Variants in CACNA1C observed in about 807,000 individuals in gnomAD.
The protein encoded by CACNA1C is calcium voltage-gated channel subunit alpha1 C, also known as voltage-dependent L-type calcium channel subunit alpha-1C.
Under a neutral mutation model 229.0 loss-of-function variants are expected in CACNA1C, and 30 were observed. That is an observed-to-expected ratio of 0.13 (90% CI 0.10 to 0.18). The LOEUF (loss-of-function observed/expected upper bound fraction) is 0.18. CACNA1C is among the 10% of genes least tolerant of loss of function. The pLI is 1.00. For synonymous variants in CACNA1C, 1,114 were observed against 1,132.5 expected (o/e 0.98, Z 0.33); for missense variants, 1,658 against 2,845.0 (o/e 0.58, Z 9.49).
chr12:2,678,243 G>A lies in CACNA1C; in HGVS notation c.5091+376G>A, dbSNP rs2096922900. On this transcript the variant is annotated intron_variant, in intron 41 of 46. Transcript: ENST00000399655. The surrounding 1 kb of genome is among the most constrained non-coding windows in gnomAD (Gnocchi z 4.1). ...TAATATTTGAAAATCAAGACTTCTG[G>A]CATTCTTTGGAAAAGTCAGGAGACC... Among the ~76,000 whole-genome samples, 1 of 152,164 alleles carries A rather than the reference G, an allele frequency of 6.6e-6. No individual in the cohort carries two copies. The highest frequency in any genetic ancestry group is 1.5e-5 in the Non-Finnish European group (1 of 68,042).
intron 3 of CACNA1C, among the ~76,000 whole-genome samples, chr12:2,439,915 C>T (rs1227326154): frequency 6.6e-6 from 1 of 152,028 alleles, no homozygotes; most frequent in Non-Finnish European, 1.5e-5. Context: ...CCGTTCGGAG[C>T]AGCAGGCACC....
intron 4 of CACNA1C, among the ~76,000 whole-genome samples, chr12:2,450,416 A>T (rs1057044556): frequency 5.3e-4 from 80 of 151,640 alleles, no homozygotes; most frequent in Admixed American, 9.2e-4. Context: ...TAGCCGGGCG[A>T]GGTGGCGGGC....
At chr12:2,009,334 A>G (rs2044001834) in intron 1 of CACNA1C, among the ~76,000 whole-genome samples, 1 of 152,254 alleles carries the variant, frequency 6.6e-6, no homozygotes, top group Non-Finnish European at 1.5e-5. Flanking sequence ...GGTAATTGTA[A>G]GAAGACAGTA....
chr12:2,311,416 G>T (rs2095430772), intron 3 of CACNA1C, among the ~76,000 whole-genome samples: 2 of 152,186 alleles, frequency 1.3e-5, no homozygotes, highest in African/African-American at 4.8e-5. Context: ...TTAACACCAA[G>T]CCAAGCAGAT....
chr12:2,341,656 A>G lies in CACNA1C; in HGVS notation c.478-107320A>G, dbSNP rs59333388. Among the ~76,000 whole-genome samples the G allele has an allele frequency of 4.0e-3, 604 of 152,350 alleles. 3 individuals are homozygous for G. Among genetic ancestry groups the G allele is most frequent in the African/African-American group, 0.01 (433 of 41,592 alleles). ...TTTGTGGGTTTGTCCTCTGTTTAGA[A>G]AAATGAATTTCCTGAGGGCAAGACC... On this transcript the variant is annotated intron_variant, in intron 3 of 46. Coordinates refer to ENST00000399655, the MANE Select transcript of CACNA1C (RefSeq NM_000719.7).
At chr12:2,329,500 A>G (rs908031455) in intron 3 of CACNA1C, among the ~76,000 whole-genome samples, 2 of 152,160 alleles carry the variant, frequency 1.3e-5, no homozygotes, top group Non-Finnish European at 2.9e-5. Flanking sequence ...AATGAACATC[A>G]TTCCTTTGTG....
chr12:2,591,360 A>G (rs2065225025), intron 18 of CACNA1C, among the ~76,000 whole-genome samples: 1 of 152,168 alleles, frequency 6.6e-6, no homozygotes, highest in Non-Finnish European at 1.5e-5. Context: ...TCTTATACAG[A>G]GTCCCCTTCC....
intron 1 of CACNA1C, among the ~76,000 whole-genome samples, chr12:2,001,632 C>T (rs559897653): frequency 2.0e-5 from 3 of 152,304 alleles, no homozygotes; most frequent in East Asian, 1.9e-4. Context: ...GCATGTAGCA[C>T]GTGAGTCACC....
Position 2,384,060 on chromosome 12 carries a change from A to G in CACNA1C, c.478-64916A>G, listed in dbSNP as rs77437041. Among the ~76,000 whole-genome samples, 4 of 152,338 alleles carry G rather than the reference A, an allele frequency of 2.6e-5. No homozygotes were observed. The East Asian group carries it at 7.7e-4, about 29-fold the overall frequency. ...ACCTCATCTGAACCTCAGCAAACTG[A>G]TAAGGACCACTCTGATTTTTAAAAC... On this transcript the variant is annotated intron_variant, in intron 3 of 46. Coordinates refer to ENST00000399655, the MANE Select transcript of CACNA1C (RefSeq NM_000719.7).
chr12:2,462,667 C>T (rs1253443976), intron 5 of CACNA1C, among the ~76,000 whole-genome samples: 3 of 152,234 alleles, frequency 2.0e-5, no homozygotes, highest in Non-Finnish European at 4.4e-5. Flanking sequence ...GCCCTAAGAG[C>T]CACCCCACCC....
At chr12:2,072,033 A>G (rs1246154730) in intron 1 of CACNA1C, among the ~76,000 whole-genome samples, 6 of 152,136 alleles carry the variant, frequency 3.9e-5, no homozygotes, top group Admixed American at 2.6e-4. Flanking sequence ...CATGCTTTGA[A>G]AGTATTCGTA....
chr12:2,607,177 A>G, intron 26 of CACNA1C, 47 bp downstream of exon 26: 1 of 1,562,640 alleles, frequency 6.4e-7, no homozygotes, highest in Non-Finnish European at 8.7e-7. Flanking sequence ...TTCAAGGGCC[A>G]GTACTGACTT....
At chr12:2,239,794 C>G (rs1247253744) in intron 3 of CACNA1C, among the ~76,000 whole-genome samples, 1 of 152,210 alleles carries the variant, frequency 6.6e-6, no homozygotes, top group African/African-American at 2.4e-5. Context: ...CCCATCTGTT[C>G]CCCGGGCTGC....
chr12:2,528,420 G>T (rs760617697), intron 9 of CACNA1C, among the ~76,000 whole-genome samples: 6 of 152,206 alleles, frequency 3.9e-5, no homozygotes, highest in Non-Finnish European at 7.3e-5. Context: ...TAAGTCCTCA[G>T]ACTCCTGGAA....
intron 3 of CACNA1C, among the ~76,000 whole-genome samples, chr12:2,122,706 T>TG (rs1412133913): frequency 6.6e-6 from 1 of 152,246 alleles, no homozygotes; most frequent in Non-Finnish European, 1.5e-5. Context: ...ACTCTCCCTT[T>TG]GGGGAGCTCA....
chr12:2,266,305 T>G (rs1301662298), intron 3 of CACNA1C, among the ~76,000 whole-genome samples: 2 of 152,170 alleles, frequency 1.3e-5, no homozygotes, highest in African/African-American at 4.8e-5. Flanking sequence ...TTGATGGAGC[T>G]CCTAGTGGGA....
intron 7 of CACNA1C, among the ~76,000 whole-genome samples, chr12:2,499,296 G>C (rs1457994866): frequency 2.0e-5 from 3 of 152,188 alleles, no homozygotes; most frequent in South Asian, 4.1e-4. Context: ...GGCTTTCACA[G>C]ATTTACACCT....
chr12:2,256,353 G>A (rs1307297365), intron 3 of CACNA1C, among the ~76,000 whole-genome samples: 1 of 152,148 alleles, frequency 6.6e-6, no homozygotes. Context: ...ACACATAATT[G>A]GAACTGTTTT....
rs947166718 is a variant in CACNA1C at position 2,410,179 on chromosome 12, C to G, written c.478-38797C>G. Among the ~76,000 whole-genome samples the G allele has an allele frequency of 6.6e-6, 1 of 152,232 alleles. No homozygotes were observed. On this transcript the variant is annotated intron_variant, in intron 3 of 46. Coordinates refer to ENST00000399655, the MANE Select transcript of CACNA1C (RefSeq NM_000719.7). This position sits in a 1 kb window ranked among gnomAD's most constrained non-coding sequence, Gnocchi z 5.3. ...TTCCCACTCCAATCTGCCAGAGGGA[C>G]AGGGTCCTTCCCCGCAGCACTGAGG...
Sources: gnomAD v4.1 joint callset for allele counts (sites outside exome capture counted in the v4.1 genomes callset) on GRCh38, gnomAD v4.1.1 for gene constraint, Gnocchi (gnomAD v3.1) non-coding constraint, MANE v1.5 for transcripts, NCBI Gene and HGNC (gene_info 2026-07-23, HGNC 2026-07-21) for gene names.